The following COL14A1 variants were observed in gnomAD, a reference collection of about 807,000 sequenced individuals.
The protein encoded by COL14A1 is collagen alpha-1(XIV) chain.
In COL14A1, 136 loss-of-function variants were observed where a neutral mutation model predicts 230.3. The observed-to-expected ratio is 0.59, with a 90% confidence interval of 0.51 to 0.68. The LOEUF is 0.68. Ranked by LOEUF, COL14A1 falls within the 30% of genes least tolerant of loss-of-function variation. COL14A1 has a pLI of 0.00. For synonymous variants in COL14A1, 792 were observed against 784.1 expected, an observed-to-expected ratio of 1.01 and a Z score of -0.17; for missense variants, 1,976 against 2,215.8, an observed-to-expected ratio of 0.89 and a Z score of 2.17.
intron 22 of COL14A1, among the ~76,000 whole-genome samples, chr8:120,254,548 TA>T (rs990175743): frequency 2.0e-5 from 3 of 152,172 alleles, no homozygotes; most frequent in Non-Finnish European, 4.4e-5. Flanking sequence ...TTTACTTTTT[TA>T]TTATACAAGT....
At chr8:120,359,218 C>T (rs1412355199) in intron 45 of COL14A1, among the ~76,000 whole-genome samples, 2 of 152,068 alleles carry the variant, frequency 1.3e-5, no homozygotes, top group Non-Finnish European at 1.5e-5. Context: ...TAATGCTCTC[C>T]GTCCCCTTTC....
At chr8:120,265,210 A>G (rs1293106692) in intron 24 of COL14A1, among the ~76,000 whole-genome samples, 1 of 152,106 alleles carries the variant, frequency 6.6e-6, no homozygotes, top group African/African-American at 2.4e-5. Flanking sequence ...GCCCAATCGT[A>G]TTAATCTGGC....
chr8:120,158,320 C>A, intron 3 of COL14A1, 74 bp downstream of exon 3: 1 of 845,038 alleles, frequency 1.2e-6, no homozygotes, highest in Non-Finnish European at 2.0e-6. Context: ...CATGTAGTGC[C>A]AAGCATTGTG....
intron 40 of COL14A1, among the ~76,000 whole-genome samples, chr8:120,319,313 T>G (rs1379773059): frequency 6.6e-6 from 1 of 151,952 alleles, no homozygotes; most frequent in African/African-American, 2.4e-5. Flanking sequence ...TGCACCATCA[T>G]GTCTGGCTAA....
intron 14 of COL14A1, among the ~76,000 whole-genome samples, chr8:120,219,984 A>ATGTGTGTGTG (rs142020105): frequency 1.3e-5 from 2 of 150,480 alleles, no homozygotes; most frequent in African/African-American, 4.9e-5. Context: ...TAGGGTGTGT[A>ATGTGTGTGTG]TGTGTGTGTG....
Position 120,228,768 on chromosome 8 carries a change from A to G in COL14A1, c.2196A>G (p.Ser732=), listed in dbSNP as rs762087953. Residue 732 remains serine, a splice_region_variant and synonymous_variant, in exon 18 of 48, where the codon TCA becomes TCG. Transcript: ENST00000297848. ...TTIVPTTSVT[S]VFQTGIRNLV... ...TAGTGCCTACCACATCTGTGACTTC[A>G]GGTAAGGTCAAATAGTAGCCTGCTT... The G allele has an allele frequency of 5.0e-6, 8 of 1,613,356 alleles. No individual in the cohort carries two copies. The highest frequency in any genetic ancestry group is 8.5e-7 in the Non-Finnish European group (1 of 1,179,542).
chr8:120,246,190 C>A (rs896983619), intron 20 of COL14A1, among the ~76,000 whole-genome samples: 5 of 152,112 alleles, frequency 3.3e-5, no homozygotes, highest in African/African-American at 1.2e-4. Flanking sequence ...GTATCATCTC[C>A]TCATTTAACA....
intron 45 of COL14A1, among the ~76,000 whole-genome samples, chr8:120,364,388 G>T (rs539652090): frequency 6.6e-6 from 1 of 152,044 alleles, no homozygotes; most frequent in East Asian, 1.9e-4. Flanking sequence ...AAGTCTCTAC[G>T]CTTAGCCTTT....
At chr8:120,320,387 AT>A (rs920811059) in intron 40 of COL14A1, among the ~76,000 whole-genome samples, 4 of 151,928 alleles carry the variant, frequency 2.6e-5, no homozygotes, top group African/African-American at 7.3e-5. Flanking sequence ...CAAGTTAAAA[AT>A]TTTTTTTCTT....
intron 35 of COL14A1, among the ~76,000 whole-genome samples, chr8:120,298,638 T>TATATATATATATATATAC (rs398009611): frequency 8.4e-6 from 1 of 118,918 alleles, no homozygotes; most frequent in Non-Finnish European, 1.8e-5. Flanking sequence ...TATATATATA[T>TATATATATATATATATAC]ACAAAAATAC....
At chr8:120,199,305 G>A in intron 7 of COL14A1, 97 bp from the exon 8 acceptor site, 1 of 1,119,428 alleles carries the variant, frequency 8.9e-7, no homozygotes, top group Non-Finnish European at 1.2e-6. Flanking sequence ...AAAAGTCTAT[G>A]GCTCAATAGG....
intron 23 of COL14A1, 28 bp downstream of exon 23, chr8:120,255,384 T>G (rs369301952): frequency 1.1e-4 from 170 of 1,505,834 alleles, no homozygotes; most frequent in Non-Finnish European, 1.5e-4. Flanking sequence ...CTTACGTTTT[T>G]GTCAAGCATT....
intron 42 of COL14A1, among the ~76,000 whole-genome samples, chr8:120,334,529 T>C (rs939317770): frequency 1.3e-5 from 2 of 148,444 alleles, no homozygotes; most frequent in Non-Finnish European, 3.0e-5. Context: ...CCTAGAAACA[T>C]ATACTGAAAC....
At chr8:120,331,250 A>T (rs1191903458) in intron 40 of COL14A1, among the ~76,000 whole-genome samples, 1 of 152,142 alleles carries the variant, frequency 6.6e-6, no homozygotes, top group African/African-American at 2.4e-5. Flanking sequence ...TTGGTTTGAG[A>T]TGGAAAATAA....
At chr8:120,133,530 A>G (rs1346687431) in intron 1 of COL14A1, among the ~76,000 whole-genome samples, 1 of 152,174 alleles carries the variant, frequency 6.6e-6, no homozygotes, top group East Asian at 1.9e-4. Context: ...TAAGAGAAAA[A>G]AGTTAGAGGA....
At chr8:120,301,148 A>G (rs185496904) in intron 36 of COL14A1, among the ~76,000 whole-genome samples, 13 of 152,156 alleles carry the variant, frequency 8.5e-5, no homozygotes, top group Admixed American at 4.6e-4. Flanking sequence ...CAGGACCTTT[A>G]CTTGTACCTG....
intron 34 of COL14A1, among the ~76,000 whole-genome samples, chr8:120,293,285 G>C (rs11785760): frequency 6.6e-6 from 1 of 151,582 alleles, no homozygotes; most frequent in African/African-American, 2.4e-5. Context: ...CTGAGTTACA[G>C]CTTTTATATA....
intron 4 of COL14A1, among the ~76,000 whole-genome samples, chr8:120,166,875 A>AGTGTGTGTGTGTGTGTGTGTGTGTGTGT (rs4053270): frequency 1.7e-5 from 2 of 117,062 alleles, no homozygotes; most frequent in South Asian, 3.4e-4. Flanking sequence ...AAAGAATTTA[A>AGTGTGTGTGTGTGTGTGTGTGTGTGTGT]GTGTGTGTGT....
intron 5 of COL14A1, among the ~76,000 whole-genome samples, chr8:120,169,977 A>G (rs1816044288): frequency 6.6e-6 from 1 of 152,186 alleles, no homozygotes; most frequent in Non-Finnish European, 1.5e-5. Context: ...GTCAGTTTTT[A>G]TCATTCCAAT....
Sources: gnomAD v4.1 joint callset for allele counts (sites outside exome capture counted in the v4.1 genomes callset) on GRCh38, gnomAD v4.1.1 for gene constraint, MANE v1.5 for transcripts, NCBI Gene and HGNC (gene_info 2026-07-23, HGNC 2026-07-21) for gene names.